The following PPFIA2 variants were observed in gnomAD, a reference collection of about 807,000 sequenced individuals.
The protein encoded by PPFIA2 is PPFI scaffold protein A2, also known as liprin-alpha-2.
PPFIA2 carries 46 observed loss-of-function variants against 175.5 expected under a neutral mutation model. The ratio of observed to expected loss-of-function variants is 0.26; its 90% CI spans 0.21 to 0.34. PPFIA2 has a LOEUF of 0.34. PPFIA2 is among the 10% of genes least tolerant of loss of function. PPFIA2 has a pLI of 1.00. For synonymous variants in PPFIA2, 568 were observed against 511.4 expected, an observed-to-expected ratio of 1.11 and a Z score of -1.49; for missense variants, 1,179 against 1,506.1, an observed-to-expected ratio of 0.78 and a Z score of 3.60.
rs1280971692 is a variant in PPFIA2 at position 81,267,024 on chromosome 12, T to G, written c.3487-4A>C. The G allele has an allele frequency of 1.9e-6, 3 of 1,610,754 alleles. No homozygotes were observed. The highest frequency in any genetic ancestry group is 2.2e-5 in the South Asian group (2 of 90,764). The stretch of plus-strand genomic sequence containing the variant: ...CTCTTTCAAGAATCTGCCTTGCCTG[T>G]TGACGTCAAATTACAGTTACCATCA... On this transcript the variant is annotated splice_region_variant and splice_polypyrimidine_tract_variant and intron_variant, in intron 29 of 32. Transcript: ENST00000549396.
At chr12:81,618,914 G>A (rs551419376) in intron 4 of PPFIA2, among the ~76,000 whole-genome samples, 1 of 152,148 alleles carries the variant, frequency 6.6e-6, no homozygotes, top group East Asian at 1.9e-4. Context: ...ATTATTAGTC[G>A]AGTACCTATA....
At chr12:81,538,918 A>G (rs554118302) in intron 4 of PPFIA2, among the ~76,000 whole-genome samples, 3 of 152,080 alleles carry the variant, frequency 2.0e-5, no homozygotes, top group African/African-American at 7.2e-5. Context: ...AGAACAGACC[A>G]TAGAGCGACC....
chr12:81,433,243 C>G (rs909670113), intron 7 of PPFIA2, among the ~76,000 whole-genome samples: 2 of 152,124 alleles, frequency 1.3e-5, no homozygotes, highest in African/African-American at 4.8e-5. Flanking sequence ...GTCTCCTCAG[C>G]CTGAAATACT....
intron 4 of PPFIA2, among the ~76,000 whole-genome samples, chr12:81,462,245 C>T (rs558598112): frequency 6.7e-4 from 73 of 109,234 alleles, no homozygotes; most frequent in African/African-American, 2.5e-3. Flanking sequence ...GTCTGCCATG[C>T]TTTTCTAACA....
chr12:81,608,316 G>GT (rs1274304808), intron 4 of PPFIA2, among the ~76,000 whole-genome samples: 2 of 152,194 alleles, frequency 1.3e-5, no homozygotes, highest in East Asian at 3.9e-4. Flanking sequence ...CATAGAATGA[G>GT]TTAGGGAGGA....
intron 5 of PPFIA2, among the ~76,000 whole-genome samples, chr12:81,453,160 C>A (rs1228456152): frequency 4.0e-5 from 5 of 123,810 alleles, no homozygotes; most frequent in Non-Finnish European, 8.2e-5. Flanking sequence ...CCCACCCCAC[C>A]ACAGTCCCCA....
intron 20 of PPFIA2, 56 bp downstream of exon 20, chr12:81,341,022 G>A: frequency 6.8e-7 from 1 of 1,478,326 alleles, no homozygotes; most frequent in Non-Finnish European, 9.2e-7. Flanking sequence ...AACGAAGGAA[G>A]AGGAATATTT....
chr12:81,511,113 C>G (rs2061738696), intron 4 of PPFIA2, among the ~76,000 whole-genome samples: 1 of 152,000 alleles, frequency 6.6e-6, no homozygotes. Context: ...TGTTAATTTT[C>G]AAGCAAAGCA....
chr12:81,277,372 A>G lies in PPFIA2; in HGVS notation c.3255T>C (p.Asn1085=). The change falls in exon 28 of 33, where the codon AAT becomes AAC. Residue 1085 remains asparagine, a synonymous_variant. Coordinates refer to ENST00000549396, the MANE Select transcript of PPFIA2 (RefSeq NM_003625.5). ...QYGIMCLKRL[N]YDRKELERRR... ...TTCTTTCTAGTTCTTTTCTGTCATA[A>G]TTCAACCTCTTTAAGCACATAATTC... 1 of 1,570,722 alleles carries G rather than the reference A, an allele frequency of 6.4e-7. No individual in the cohort carries two copies.
At chr12:81,604,414 A>G (rs369341769) in intron 4 of PPFIA2, among the ~76,000 whole-genome samples, 6 of 151,454 alleles carry the variant, frequency 4.0e-5, no homozygotes, top group East Asian at 3.9e-4. Flanking sequence ...AAATTAGAAC[A>G]TTCCTGTTTG....
chr12:81,590,823 A>C (rs530023757), intron 4 of PPFIA2, among the ~76,000 whole-genome samples: 1 of 152,256 alleles, frequency 6.6e-6, no homozygotes, highest in South Asian at 2.1e-4. Flanking sequence ...AAGTCCTTTA[A>C]ACATCTTTTT....
intron 22 of PPFIA2, among the ~76,000 whole-genome samples, chr12:81,321,540 C>T (rs557660412): frequency 3.7e-4 from 57 of 152,080 alleles, no homozygotes; most frequent in Non-Finnish European, 7.1e-4. Flanking sequence ...GGGGCTTATA[C>T]CTGTGCAACT....
At chr12:81,337,773 T>C (rs575950335) in intron 21 of PPFIA2, among the ~76,000 whole-genome samples, 18 of 152,254 alleles carry the variant, frequency 1.2e-4, no homozygotes, top group African/African-American at 4.3e-4. Flanking sequence ...ACTCACACTA[T>C]AGTGACTGAC....
intron 4 of PPFIA2, among the ~76,000 whole-genome samples, chr12:81,494,907 A>G (rs1317645090): frequency 7.5e-6 from 1 of 133,034 alleles, no homozygotes; most frequent in Admixed American, 8.7e-5. Context: ...GAACACATAG[A>G]CACAGGAAGG....
At chr12:81,284,634 G>T (rs1438678592) in intron 24 of PPFIA2, among the ~76,000 whole-genome samples, 1 of 152,096 alleles carries the variant, frequency 6.6e-6, no homozygotes, top group Non-Finnish European at 1.5e-5. Flanking sequence ...TGTAATAACG[G>T]TGAACTGATT....
intron 28 of PPFIA2, among the ~76,000 whole-genome samples, chr12:81,270,176 A>G (rs1460292675): frequency 2.6e-5 from 4 of 152,240 alleles, no homozygotes; most frequent in Non-Finnish European, 4.4e-5. Context: ...TAGAATTGTT[A>G]TGTGTTTACT....
intron 15 of PPFIA2, among the ~76,000 whole-genome samples, chr12:81,360,415 T>A: frequency 6.6e-6 from 1 of 151,820 alleles, no homozygotes; most frequent in East Asian, 1.9e-4. Flanking sequence ...AGGTAAGAAT[T>A]TTTTTAGAGA....
rs888940777 is a variant in PPFIA2, at chr12:81,455,969, C to A, written c.405+1796G>T. Among the ~76,000 whole-genome samples, 4 of 152,068 alleles carry A rather than the reference C, an allele frequency of 2.6e-5. No homozygotes were observed. The South Asian group carries it at 6.2e-4, about 24-fold the overall frequency. On this transcript the variant is annotated intron_variant, in intron 5 of 32. Transcript: ENST00000549396. ...GGAGTAAGGGGCTGAAGAAAAAAGG[C>A]TAGATGAACCTACACAGCTAATAAA...
intron 22 of PPFIA2, among the ~76,000 whole-genome samples, chr12:81,325,092 A>G (rs904028944): frequency 6.6e-6 from 1 of 152,116 alleles, no homozygotes; most frequent in African/African-American, 2.4e-5. Flanking sequence ...AAGGAAAAGA[A>G]ATAATCAACC....
Sources: allele counts gnomAD v4.1 joint callset (sites outside exome capture counted in the v4.1 genomes callset), GRCh38; gene constraint gnomAD v4.1.1; transcripts MANE v1.5; gene names NCBI Gene and HGNC (gene_info 2026-07-23, HGNC 2026-07-21).